The following DOK6 variants were observed in gnomAD, a reference collection of about 807,000 sequenced individuals.
DOK6 encodes the protein docking protein 6, also known as downstream of tyrosine kinase 6.
Under a neutral mutation model 44.0 loss-of-function variants are expected in DOK6, and 22 were observed. The ratio of observed to expected loss-of-function variants is 0.50; its 90% CI spans 0.36 to 0.71. The LOEUF is 0.71. Among genes scored for constraint, DOK6 ranks in the 30% least tolerant of loss-of-function variants. The pLI, the probability that DOK6 is intolerant of heterozygous loss-of-function variation, is 0.00. For synonymous variants in DOK6, 166 were observed against 145.5 expected (o/e 1.14, Z -1.01); for missense variants, 340 against 416.4 (o/e 0.82, Z 1.60).
Position 69,757,652 on chromosome 18 carries a change from G to A in DOK6, c.739-104G>A, listed in dbSNP as rs1019199278. ...ACCGGGGATCATGCAGGTATCTATA[G>A]CAGATTCTATCTGTCACTCACATTT... On this transcript the variant is annotated intron_variant, in intron 6 of 7. Transcript: ENST00000382713. The A allele has an allele frequency of 8.9e-6, 8 of 894,694 alleles. No individual in the cohort carries two copies. In the African/African-American group the frequency reaches 1.1e-4, roughly 13 times the overall value. The allele number at this position is 894,694 out of a possible 1,614,324, so 55.4% of individuals were successfully genotyped here. A position where few individuals can be genotyped will look rare whatever the true frequency, so the allele number is the denominator to read the frequency against.
chr18:69,437,670 T>A (rs1426413108), intron 1 of DOK6, among the ~76,000 whole-genome samples: 1 of 152,214 alleles, frequency 6.6e-6, no homozygotes, highest in African/African-American at 2.4e-5. Context: ...TTATGTTCCA[T>A]ATGAAAGTTA....
intron 6 of DOK6, among the ~76,000 whole-genome samples, chr18:69,752,119 G>A (rs986257943): frequency 2.0e-5 from 3 of 151,822 alleles, no homozygotes; most frequent in Non-Finnish European, 4.4e-5. Flanking sequence ...TATAAGAACT[G>A]AAAAATATGA....
intron 1 of DOK6, among the ~76,000 whole-genome samples, chr18:69,471,029 C>T (rs572422871): frequency 1.6e-3 from 237 of 151,650 alleles, no homozygotes; most frequent in Admixed American, 4.1e-3. Flanking sequence ...GCAGGCGGAT[C>T]ACCTGAGGTC....
intron 1 of DOK6, among the ~76,000 whole-genome samples, chr18:69,411,967 C>T (rs1978308189): frequency 6.6e-6 from 1 of 152,100 alleles, no homozygotes; most frequent in African/African-American, 2.4e-5. Flanking sequence ...CTGCAAATAA[C>T]CTACTGTTAA....
At chr18:69,605,516 T>G (rs1484426440) in intron 3 of DOK6, among the ~76,000 whole-genome samples, 2 of 152,140 alleles carry the variant, frequency 1.3e-5, no homozygotes, top group Non-Finnish European at 2.9e-5. Flanking sequence ...TTACTAAGTC[T>G]AGGATAAAAG....
At chr18:69,431,342 C>G (rs1978801935) in intron 1 of DOK6, among the ~76,000 whole-genome samples, 1 of 152,176 alleles carries the variant, frequency 6.6e-6, no homozygotes, top group African/African-American at 2.4e-5. Context: ...ATCTGAATCT[C>G]TGCACCTGAG....
chr18:69,420,022 C>T (rs942118119), intron 1 of DOK6, among the ~76,000 whole-genome samples: 2 of 151,918 alleles, frequency 1.3e-5, no homozygotes, highest in Non-Finnish European at 2.9e-5. Flanking sequence ...AAGTGTTATT[C>T]GATGTTTAAT....
chr18:69,504,071 G>A (rs1429678163), intron 1 of DOK6, among the ~76,000 whole-genome samples: 2 of 151,996 alleles, frequency 1.3e-5, no homozygotes, highest in African/African-American at 2.4e-5. Flanking sequence ...AGGTTTCCAT[G>A]TCAAATATTA....
chr18:69,483,500 C>G (rs1980488473), intron 1 of DOK6: 2 of 152,182 alleles, frequency 1.3e-5, no homozygotes, highest in South Asian at 4.1e-4. Context: ...CTGTTTCAGC[C>G]TCTTTGGAAG....
chr18:69,840,706 G>A (rs963328666), intron 7 of DOK6, among the ~76,000 whole-genome samples: 3 of 152,156 alleles, frequency 2.0e-5, no homozygotes, highest in African/African-American at 4.8e-5. Context: ...CTCACACACC[G>A]GCTAGGATAA....
chr18:69,492,488 T>C (rs914912498), intron 1 of DOK6, among the ~76,000 whole-genome samples: 1 of 152,136 alleles, frequency 6.6e-6, no homozygotes, highest in African/African-American at 2.4e-5. Context: ...ATGAGTAAAT[T>C]GCCTGTCACG....
intron 1 of DOK6, among the ~76,000 whole-genome samples, chr18:69,520,192 A>G (rs1198168129): frequency 6.6e-6 from 1 of 151,818 alleles, no homozygotes; most frequent in Non-Finnish European, 1.5e-5. Context: ...GTTACCCTCA[A>G]TGATGTTCCT....
intron 3 of DOK6, among the ~76,000 whole-genome samples, chr18:69,655,347 T>C (rs1188561316): frequency 6.6e-6 from 1 of 152,002 alleles, no homozygotes; most frequent in Non-Finnish European, 1.5e-5. Context: ...AAGAAACAAA[T>C]AGAACTTTAA....
At chr18:69,802,439 A>G (rs574118522) in intron 7 of DOK6, among the ~76,000 whole-genome samples, 1 of 152,318 alleles carries the variant, frequency 6.6e-6, no homozygotes, top group East Asian at 1.9e-4. Flanking sequence ...TCAAATTTCT[A>G]AAAAGAATTA....
At chr18:69,718,920 A>T (rs1986942637) in intron 5 of DOK6, among the ~76,000 whole-genome samples, 1 of 152,186 alleles carries the variant, frequency 6.6e-6, no homozygotes, top group Non-Finnish European at 1.5e-5. Flanking sequence ...CTCTGCTCTA[A>T]ATCTAAATAA....
intron 7 of DOK6, among the ~76,000 whole-genome samples, chr18:69,827,885 G>A (rs1286001836): frequency 6.6e-6 from 1 of 151,798 alleles, no homozygotes; most frequent in Non-Finnish European, 1.5e-5. Flanking sequence ...TAAATTTTTA[G>A]AAAAGAAATG....
At chr18:69,560,625 A>G (rs766977987) in intron 1 of DOK6, among the ~76,000 whole-genome samples, 2 of 152,166 alleles carry the variant, frequency 1.3e-5, no homozygotes, top group Admixed American at 6.6e-5. Context: ...TGTAAAGTAC[A>G]TGTAAATACC....
At chr18:69,808,514 TAAAC>T (rs1359387628) in intron 7 of DOK6, among the ~76,000 whole-genome samples, 1 of 151,694 alleles carries the variant, frequency 6.6e-6, no homozygotes, top group African/African-American at 2.4e-5. Flanking sequence ...TTTTGAAAGA[TAAAC>T]AAAATCAACA....
chr18:69,601,952 G>A (rs1007730008), intron 3 of DOK6, among the ~76,000 whole-genome samples: 5 of 152,130 alleles, frequency 3.3e-5, no homozygotes, highest in African/African-American at 9.7e-5. Context: ...AAGTAGCTAA[G>A]GATTATAACC....
Sources: allele counts gnomAD v4.1 joint callset (sites outside exome capture counted in the v4.1 genomes callset), GRCh38; gene constraint gnomAD v4.1.1; transcripts MANE v1.5; gene names NCBI Gene and HGNC (gene_info 2026-07-23, HGNC 2026-07-21).